RALGPS2: variants seen among roughly 807,000 people sequenced by gnomAD.
The protein encoded by RALGPS2 is ras-specific guanine nucleotide-releasing factor RalGPS2.
RALGPS2 carries 43 observed loss-of-function variants against 86.8 expected under a neutral mutation model. The ratio of observed to expected loss-of-function variants is 0.50; its 90% confidence interval spans 0.39 to 0.64. The LOEUF (loss-of-function observed/expected upper bound fraction) is 0.64, where lower values mean the gene tolerates loss of function less well. Among genes scored for constraint, RALGPS2 ranks in the 30% least tolerant of loss-of-function variants. The pLI is 0.00. For missense variants in RALGPS2, 536 were observed against 694.6 expected (o/e 0.77, Z 2.57); for synonymous variants, 243 against 231.3 (o/e 1.05, Z -0.46).
intron 1 of RALGPS2, among the ~76,000 whole-genome samples, chr1:178,770,526 T>TC (rs1652746873): frequency 6.8e-6 from 1 of 146,450 alleles, no homozygotes; most frequent in South Asian, 2.1e-4. Context: ...TTTTTTTTTT[T>TC]CTGAGACAGT....
At chr1:178,754,375 A>G (rs1213523152) in intron 1 of RALGPS2, among the ~76,000 whole-genome samples, 1 of 152,172 alleles carries the variant, frequency 6.6e-6, no homozygotes, top group Non-Finnish European at 1.5e-5. Context: ...AAAACAGTTA[A>G]TATGTAATTC....
chr1:178,811,703 T>C (rs1294539814), intron 6 of RALGPS2, among the ~76,000 whole-genome samples: 1 of 152,202 alleles, frequency 6.6e-6, no homozygotes, highest in Non-Finnish European at 1.5e-5. Context: ...ATTTATAAAA[T>C]ATTGGACTAT....
chr1:178,828,643 C>T lies in RALGPS2; in HGVS notation c.481-4781C>T, dbSNP rs142629952. On this transcript the variant is annotated intron_variant, in intron 7 of 19. Transcript: ENST00000367635. ...TAGACATTTCTCAAAAGAAAACATA[C>T]ACAAGTCCCACAGGTATATCAAAAG... is the stretch of plus-strand genomic sequence containing the variant. Among the ~76,000 whole-genome samples the T allele has an allele frequency of 8.5e-3, 1,301 of 152,278 alleles. 17 individuals are homozygous for T. The highest frequency in any genetic ancestry group is 0.029 in the African/African-American group (1,204 of 41,552).
intron 18 of RALGPS2, among the ~76,000 whole-genome samples, chr1:178,906,052 G>A (rs1255584352): frequency 1.3e-5 from 2 of 152,068 alleles, no homozygotes; most frequent in African/African-American, 4.8e-5. Flanking sequence ...GAAGCATTCT[G>A]GCATGTTAAA....
intron 1 of RALGPS2, among the ~76,000 whole-genome samples, chr1:178,755,998 CTGTT>C (rs1433348625): frequency 3.9e-5 from 6 of 152,156 alleles, no homozygotes; most frequent in Non-Finnish European, 8.8e-5. Context: ...TGGGAAGTGT[CTGTT>C]TGTATCTTTT....
chr1:178,725,290 C>T lies in RALGPS2; in HGVS notation c.-213C>T, dbSNP rs1649900317. On this transcript the variant is annotated 5_prime_UTR_variant, in exon 1 of 20. Transcript: ENST00000367635. ...GCGGCGGCGGCGGCGGCGGCTGCTG[C>T]GGGCGCTGAATGAGAGACGGTGACT... 1 of 171,888 alleles carries T rather than the reference C, an allele frequency of 5.8e-6. No homozygotes were observed. The highest frequency in any genetic ancestry group is 1.2e-5 in the Non-Finnish European group (1 of 84,076). 10.6% of individuals were successfully genotyped at this position (171,888 alleles called of 1,614,324 possible). A position where few individuals can be genotyped will look rare whatever the true frequency, so the allele number is the denominator to read the frequency against.
intron 19 of RALGPS2, among the ~76,000 whole-genome samples, chr1:178,912,604 T>G (rs6697612): frequency 6.6e-6 from 1 of 152,070 alleles, no homozygotes; most frequent in African/African-American, 2.4e-5. Flanking sequence ...CAAGCTCCAT[T>G]TAAGATTTTT....
At chr1:178,857,576 C>A (rs556841811) in intron 8 of RALGPS2, among the ~76,000 whole-genome samples, 5 of 152,186 alleles carry the variant, frequency 3.3e-5, no homozygotes, top group African/African-American at 1.2e-4. Flanking sequence ...TACTTTAAAA[C>A]CTATTAGTAT....
intron 8 of RALGPS2, among the ~76,000 whole-genome samples, chr1:178,857,817 A>G (rs2102311892): frequency 6.6e-6 from 1 of 152,294 alleles, no homozygotes; most frequent in East Asian, 1.9e-4. Context: ...GAATATTTAG[A>G]AACATCAGTG....
At chr1:178,799,459 A>C (rs1654364077) in intron 4 of RALGPS2, among the ~76,000 whole-genome samples, 1 of 152,096 alleles carries the variant, frequency 6.6e-6, no homozygotes. Context: ...GGCTAACTCT[A>C]CTGTTTTGTG....
intron 15 of RALGPS2, among the ~76,000 whole-genome samples, chr1:178,893,113 A>G (rs1193715804): frequency 3.3e-5 from 5 of 152,124 alleles, no homozygotes; most frequent in African/African-American, 7.2e-5. Flanking sequence ...TCTGCAGCTC[A>G]TGTCAAGTCA....
rs143016105 is a variant in RALGPS2, at chr1:178,839,353, A to G, written c.607+5803A>G. 3.7e-3 allele frequency among the ~76,000 whole-genome samples: 559 copies of G among 152,342 alleles called. 5 individuals are homozygous for G. The highest frequency in any genetic ancestry group is 0.012 in the African/African-American group (505 of 41,558). On this transcript the variant is annotated intron_variant, in intron 8 of 19. Transcript: ENST00000367635. ...ACAAGGCAGAAGAGAGTGAGGGCCA[A>G]TATTCAGCATTCTTAAAGAAAAGAA...
chr1:178,860,012 C>T (rs1395134725), intron 8 of RALGPS2, among the ~76,000 whole-genome samples: 1 of 151,990 alleles, frequency 6.6e-6, no homozygotes, highest in East Asian at 1.9e-4. Flanking sequence ...ATTTAATCAT[C>T]ACAACAATTT....
At chr1:178,780,437 ATTTAAG>A (rs1215943211) in intron 2 of RALGPS2, among the ~76,000 whole-genome samples, 1 of 152,158 alleles carries the variant, frequency 6.6e-6, no homozygotes, top group Non-Finnish European at 1.5e-5. Flanking sequence ...TTCAACTGAA[ATTTAAG>A]TTTAATATTC....
intron 18 of RALGPS2, among the ~76,000 whole-genome samples, chr1:178,904,003 G>A (rs984449319): frequency 6.6e-6 from 1 of 151,972 alleles, no homozygotes; most frequent in Non-Finnish European, 1.5e-5. Flanking sequence ...CCACATCCAT[G>A]CCAACATCTA....
chr1:178,756,269 T>G (rs987569923), intron 1 of RALGPS2, among the ~76,000 whole-genome samples: 3 of 152,274 alleles, frequency 2.0e-5, no homozygotes, highest in African/African-American at 7.2e-5. Context: ...CCTAGGTTTT[T>G]TTCTAGGGTT....
intron 1 of RALGPS2, among the ~76,000 whole-genome samples, chr1:178,739,195 A>C (rs898570085): frequency 1.3e-5 from 2 of 152,224 alleles, no homozygotes; most frequent in African/African-American, 4.8e-5. Flanking sequence ...CTTAAAGAGC[A>C]ACATTTTGAG....
chr1:178,776,822 G>T lies in RALGPS2; in HGVS notation c.57+1G>T, dbSNP rs1325940128. 1.2e-6 allele frequency: 2 copies of T among 1,611,550 alleles called. No individual in the cohort carries two copies. ...CAATATTGCAGCTACTGCTTCTGAG[G>T]TAAGATATTTAAGAAGCTTGGGTGT... On this transcript the variant is annotated splice_donor_variant, in intron 2 of 19. Transcript: ENST00000367635. LOFTEE classifies it high-confidence loss of function.
intron 7 of RALGPS2, among the ~76,000 whole-genome samples, chr1:178,824,498 G>T (rs1325234903): frequency 6.6e-6 from 1 of 152,052 alleles, no homozygotes; most frequent in Admixed American, 6.6e-5. Context: ...GTACCCTAGT[G>T]TATCAGTAAG....
Sources: gnomAD v4.1 joint callset for allele counts (sites outside exome capture counted in the v4.1 genomes callset) on GRCh38, gnomAD v4.1.1 for gene constraint, MANE v1.5 for transcripts, NCBI Gene and HGNC (gene_info 2026-07-23, HGNC 2026-07-21) for gene names.